The following ORMDL3 variants were observed in gnomAD, a reference collection of about 807,000 sequenced individuals.
ORMDL3 encodes ORM1-like protein 3.
A neutral mutation model predicts 12.6 loss-of-function variants in ORMDL3; 6 were observed. The ratio of observed to expected loss-of-function variants is 0.48; its 90% CI spans 0.26 to 0.94. The LOEUF (loss-of-function observed/expected upper bound fraction) is 0.94. Ranked by LOEUF, ORMDL3 falls within the 40% of genes least tolerant of loss-of-function variation. The pLI, the probability that ORMDL3 is intolerant of heterozygous loss-of-function variation, is 0.14. For missense variants in ORMDL3, 159 were observed against 205.5 expected (o/e 0.77, Z 1.38); for synonymous variants, 99 against 87.2 (o/e 1.14, Z -0.75).
chr17:39,923,387 ATATG>A, intron 2 of ORMDL3, 124 bp from the exon 3 acceptor site: 1 of 1,143,168 alleles, frequency 8.7e-7, no homozygotes, highest in Non-Finnish European at 1.3e-6. Context: ...GGGCAGGGGG[ATATG>A]GGCTGGAGGT....
intron 2 of ORMDL3, 42 bp from the exon 3 acceptor site, chr17:39,923,305 GC>G (rs750001368): frequency 1.9e-6 from 3 of 1,601,416 alleles, no homozygotes; most frequent in African/African-American, 2.7e-5. Context: ...AAAGGGAAAG[GC>G]CCCCCTGCCC....
At position 39,923,892 on chromosome 17, in the gene ORMDL3, T is replaced by C. The variant is rs1978318640; in HGVS notation, c.174+138A>G. The C allele has an allele frequency of 2.3e-6, 2 of 859,770 alleles. 1 individual carries two copies. Among genetic ancestry groups the C allele is most frequent in the East Asian group, 5.5e-5 (2 of 36,244 alleles). 53.3% of individuals were successfully genotyped at this position (859,770 alleles called of 1,614,324 possible). ...AGAGAGGTAAGGGCTAGGCCTGGGC[T>C]CTGGAGGCAGATGTCGTCAGTACAT... On this transcript the variant is annotated intron_variant, in intron 2 of 3. Coordinates refer to ENST00000304046, the MANE Select transcript of ORMDL3 (RefSeq NM_139280.4).
intron 1 of ORMDL3, chr17:39,926,205 G>T (rs1239607806): frequency 6.6e-6 from 1 of 152,184 alleles, no homozygotes; most frequent in African/African-American, 2.4e-5. Flanking sequence ...CGCCTTTCTG[G>T]CTTTCACAGG....
At chr17:39,925,948 T>G (rs1978390222) in intron 1 of ORMDL3, 1 of 152,222 alleles carries the variant, frequency 6.6e-6, no homozygotes, top group Non-Finnish European at 1.5e-5. Flanking sequence ...CTGGGACAGC[T>G]GCTACGCAAA....
At position 39,922,411 on chromosome 17, in the gene ORMDL3, G is replaced by C; in HGVS notation, c.*139C>G. The stretch of plus-strand genomic sequence containing the variant: ...CCAAGTTGGCTACTGGGGGAAGCGA[G>C]GGGGGAAATTAGGCCAGAGGCTCAA... On this transcript the variant is annotated 3_prime_UTR_variant, in exon 4 of 4. Transcript: ENST00000304046. The C allele has an allele frequency of 2.7e-6, 3 of 1,091,280 alleles. No individual in the cohort carries two copies. Among genetic ancestry groups the C allele is most frequent in the South Asian group, 1.7e-5 (1 of 60,280 alleles). The allele number at this position is 1,091,280 out of a possible 1,614,324, so 67.6% of individuals were successfully genotyped here.
At chr17:39,922,825 A>G (rs1194574547) in intron 3 of ORMDL3, 140 bp from the exon 4 acceptor site, 8 of 1,198,934 alleles carry the variant, frequency 6.7e-6, no homozygotes, top group African/African-American at 1.5e-5. Context: ...AAGAAGCAAG[A>G]GCTCTCAGGC....
At chr17:39,926,094 G>C (rs1197472386) in intron 1 of ORMDL3, 2 of 152,206 alleles carry the variant, frequency 1.3e-5, no homozygotes, top group African/African-American at 4.8e-5. Context: ...TCTGTAACCC[G>C]CACCTACAGG....
intron 1 of ORMDL3, 137 bp from the exon 2 acceptor site, chr17:39,924,362 A>C (rs1246437402): frequency 1.3e-6 from 1 of 788,328 alleles, no homozygotes; most frequent in Non-Finnish European, 1.9e-6. Context: ...TGAAGCATGG[A>C]AAGTGGAGAA....
chr17:39,923,077 G>C, intron 3 of ORMDL3, 35 bp downstream of exon 3: 1 of 1,613,046 alleles, frequency 6.2e-7, no homozygotes, highest in African/African-American at 1.3e-5. Flanking sequence ...GCCTTGCCCT[G>C]CCTGCTGGTG....
intron 2 of ORMDL3, among the ~76,000 whole-genome samples, chr17:39,923,625 A>C (rs1281430169): frequency 6.6e-6 from 1 of 152,122 alleles, no homozygotes; most frequent in Non-Finnish European, 1.5e-5. Flanking sequence ...GCAAGTGGTG[A>C]GGGAGCAGAG....
At chr17:39,925,277 C>T (rs1401564505) in intron 1 of ORMDL3, 1 of 152,778 alleles carries the variant, frequency 6.5e-6, no homozygotes, top group East Asian at 1.9e-4. Flanking sequence ...AGGAGGTGGC[C>T]GCAACCCACA....
chr17:39,925,672 AC>A (rs1224306281), intron 1 of ORMDL3: 1 of 152,188 alleles, frequency 6.6e-6, no homozygotes, highest in African/African-American at 2.4e-5. Context: ...TTCCAGGATA[AC>A]AGGAGCAAGT....
At position 39,921,365 on chromosome 17, in the gene ORMDL3, C is replaced by T. The variant is rs574149774; in HGVS notation, c.*1185G>A. On this transcript the variant is annotated 3_prime_UTR_variant, in exon 4 of 4. Coordinates refer to ENST00000304046, the MANE Select transcript of ORMDL3 (RefSeq NM_139280.4). The stretch of plus-strand genomic sequence containing the variant: ...TGCAGGCTGAGACAGTGCCTACAGG[C>T]CACGTCTTGCCCCTTCCTCTGTGCT... 296 of 152,562 alleles carry T rather than the reference C, an allele frequency of 1.9e-3. 2 individuals carry two copies. Among genetic ancestry groups the T allele is most frequent in the Non-Finnish European group, 3.2e-3 (220 of 68,116 alleles). 9.5% of individuals were successfully genotyped at this position (152,562 alleles called of 1,614,324 possible). A position where few individuals can be genotyped will look rare whatever the true frequency, so the allele number is the denominator to read the frequency against.
At position 39,924,082 on chromosome 17, in the gene ORMDL3, G is replaced by A. The variant is rs762701073; in HGVS notation, c.122C>T (p.Pro41Leu). 1.1e-5 allele frequency: 17 copies of A among 1,613,836 alleles called. No homozygotes were observed. The highest frequency in any genetic ancestry group is 7.7e-5 in the South Asian group (7 of 91,050). The change falls in exon 2 of 4, where the codon CCG becomes CTG. Residue 41 changes from proline (P) to leucine (L), a missense_variant. Coordinates refer to ENST00000304046, the MANE Select transcript of ORMDL3 (RefSeq NM_139280.4). Reference protein sequence around the residue: ...GLLHIVLLSIPFVSVPVVWTL... With the variant: ...GLLHIVLLSILFVSVPVVWTL... ...CCAGACGACAGGGACACTCACAAACGGGATGCTCAGCAGCACGATGTGGAG... is the reference window on the plus strand; with the variant it reads ...CCAGACGACAGGGACACTCACAAACAGGATGCTCAGCAGCACGATGTGGAG...
Position 39,922,302 on chromosome 17 carries a change from A to G in ORMDL3, c.*248T>C, listed in dbSNP as rs552373010. The G allele has an allele frequency of 1.5e-4, 58 of 387,156 alleles. No individual in the cohort carries two copies. Among genetic ancestry groups the G allele is most frequent in the African/African-American group, 1.1e-3 (52 of 48,166 alleles). 24.0% of individuals were successfully genotyped at this position (387,156 alleles called of 1,614,324 possible). ...CCATGACCAACTCCATGGAGTCTCT[A>G]TTCAAAAAGCAAAAGGAAAAGATCA... On this transcript the variant is annotated 3_prime_UTR_variant, in exon 4 of 4. Coordinates refer to ENST00000304046, the MANE Select transcript of ORMDL3 (RefSeq NM_139280.4).
chr17:39,924,251 C>A, intron 1 of ORMDL3, 26 bp from the exon 2 acceptor site: 1 of 1,551,024 alleles, frequency 6.4e-7, no homozygotes, highest in South Asian at 1.2e-5. Context: ...ACAGGTCAGA[C>A]AGGTCACACT....
intron 2 of ORMDL3, 25 bp from the exon 3 acceptor site, chr17:39,923,288 G>C (rs1158513887): frequency 2.5e-6 from 4 of 1,612,740 alleles, no homozygotes; most frequent in Non-Finnish European, 3.4e-6. Context: ...CTTTGTTAGA[G>C]GATACAAAAG....
At chr17:39,925,844 G>A (rs1379693590) in intron 1 of ORMDL3, 1 of 152,346 alleles carries the variant, frequency 6.6e-6, no homozygotes, top group African/African-American at 2.4e-5. Context: ...CTGGATAATT[G>A]AGCCTAACAG....
At position 39,923,156 on chromosome 17, in the gene ORMDL3, C is replaced by T; in HGVS notation, c.282G>A (p.Gln94=). 1 of 1,614,228 alleles carries T rather than the reference C, an allele frequency of 6.2e-7. No homozygotes were observed. The highest frequency in any genetic ancestry group is 8.5e-7 in the Non-Finnish European group (1 of 1,180,024). ...TCAAGAACTTCCGAGAGGCCGTGAA[C>T]TGGACCCCATAATCCATCTGCTCCC... is the stretch of plus-strand genomic sequence containing the variant. ...THWEQMDYGV[Q]FTASRKFLTI... is the part of the protein sequence containing the mutation. Residue 94 remains glutamine (Q), a synonymous_variant, in exon 3 of 4, where the codon CAG becomes CAA. Transcript: ENST00000304046.
Sources: gnomAD v4.1 joint callset for allele counts (sites outside exome capture counted in the v4.1 genomes callset) on GRCh38, gnomAD v4.1.1 for gene constraint, MANE v1.5 for transcripts, NCBI Gene and HGNC (gene_info 2026-07-23, HGNC 2026-07-21) for gene names.